ZDHHC15: variants seen among roughly 807,000 people sequenced by gnomAD.
The protein encoded by ZDHHC15 is palmitoyltransferase ZDHHC15.
In ZDHHC15, 19 loss-of-function variants were observed where a neutral mutation model predicts 31.7. That is an observed-to-expected ratio of 0.60 (90% CI 0.42 to 0.88). The LOEUF (loss-of-function observed/expected upper bound fraction) is 0.88. ZDHHC15 is among the 40% of genes least tolerant of loss of function. The pLI, the probability that ZDHHC15 is intolerant of heterozygous loss-of-function variation, is 0.00. For missense variants in ZDHHC15, 209 were observed against 251.2 expected, an observed-to-expected ratio of 0.83 and a Z score of 1.14; for synonymous variants, 103 against 90.0, an observed-to-expected ratio of 1.14 and a Z score of -0.82.
At chrX:75,425,536 A>T (rs1336624269) in intron 7 of ZDHHC15, among the ~76,000 whole-genome samples, 2 of 112,483 alleles carry the variant, frequency 1.8e-5, no homozygotes, top group Admixed American at 9.4e-5. Context: ...AAGTTCTGTA[A>T]CATGCGCAGC....
intron 10 of ZDHHC15, among the ~76,000 whole-genome samples, chrX:75,415,490 T>C (rs2083539221): frequency 1.8e-5 from 2 of 112,281 alleles, no homozygotes. Flanking sequence ...GATCACTAAA[T>C]GGCATGCAAT....
intron 2 of ZDHHC15, among the ~76,000 whole-genome samples, chrX:75,491,091 A>G (rs1289097327): frequency 9.0e-6 from 1 of 111,656 alleles, no homozygotes; most frequent in Admixed American, 9.5e-5. Flanking sequence ...ATCTAGAACT[A>G]GAAATACCAT....
chrX:75,433,041 A>G (rs780134489), intron 4 of ZDHHC15, among the ~76,000 whole-genome samples: 50 of 111,384 alleles, frequency 4.5e-4, no homozygotes, highest in Non-Finnish European at 7.5e-4. Context: ...AAAACTCTCA[A>G]TGGATTTCCA....
Position 75,369,315 on chromosome X carries a change from A to ATGTGTGTG in ZDHHC15, c.*3655_*3662dup, listed in dbSNP as rs58983071. 382 of 102,939 alleles carry ATGTGTGTG rather than the reference A, an allele frequency of 3.7e-3. 1 individual carries two copies. The highest frequency in any genetic ancestry group is 0.013 in the African/African-American group (357 of 28,212). The allele number at this position is 102,939 out of a possible 1,213,427, so 8.5% of individuals were successfully genotyped here. A position where few individuals can be genotyped will look rare whatever the true frequency, so the allele number is the denominator to read the frequency against. On this transcript the variant is annotated 3_prime_UTR_variant, in exon 12 of 12. Coordinates refer to ENST00000373367, the MANE Select transcript of ZDHHC15 (RefSeq NM_144969.3). ...GCAGCCTGCTTTGGAGAAAATGTGT[A>ATGTGTGTG]TGTGTGTGTGTGTGTGTGTGTGTGT...
chrX:75,479,225 G>A (rs1265499998), intron 2 of ZDHHC15, among the ~76,000 whole-genome samples: 1 of 111,814 alleles, frequency 8.9e-6, no homozygotes. Flanking sequence ...ATTCTTGAAG[G>A]GGGAAATGTC....
At chrX:75,384,693 G>A (rs1260958761) in intron 10 of ZDHHC15, 6 of 814,714 alleles carry the variant, frequency 7.4e-6, no homozygotes, top group Non-Finnish European at 3.7e-6. Flanking sequence ...ATCAGAGAAA[G>A]AAATAAGCCA....
At chrX:75,465,928 C>G (rs1362582064) in intron 3 of ZDHHC15, among the ~76,000 whole-genome samples, 1 of 111,219 alleles carries the variant, frequency 9.0e-6, no homozygotes, top group African/African-American at 3.3e-5. Context: ...GCAATTGCAT[C>G]AAAAGAAAAA....
chrX:75,482,236 A>C (rs2084701071), intron 2 of ZDHHC15, among the ~76,000 whole-genome samples: 1 of 111,444 alleles, frequency 9.0e-6, no homozygotes, highest in Admixed American at 9.6e-5. Context: ...CAATATACCC[A>C]GCTAACAAAC....
At chrX:75,426,241 A>C (rs2083712874) in intron 7 of ZDHHC15, among the ~76,000 whole-genome samples, 1 of 111,886 alleles carries the variant, frequency 8.9e-6, no homozygotes, top group Admixed American at 9.5e-5. Context: ...TAAAGCTCAC[A>C]TTTATTTTAC....
chrX:75,383,875 A>G (rs1237173967), intron 10 of ZDHHC15, among the ~76,000 whole-genome samples: 2 of 104,072 alleles, frequency 1.9e-5, no homozygotes, highest in Admixed American at 2.1e-4. Context: ...AGTAGCTGGG[A>G]CTACAGGCAT....
At chrX:75,431,562 C>T (rs778437692) in intron 4 of ZDHHC15, 42 bp from the exon 5 acceptor site, 2 of 1,100,466 alleles carry the variant, frequency 1.8e-6, no homozygotes, top group Non-Finnish European at 2.5e-6. Flanking sequence ...TGTTAGGGCT[C>T]AATATAAGAC....
At chrX:75,380,936 CT>C (rs1297546487) in intron 10 of ZDHHC15, among the ~76,000 whole-genome samples, 1 of 111,384 alleles carries the variant, frequency 9.0e-6, no homozygotes, top group African/African-American at 3.3e-5. Flanking sequence ...CACATAAACC[CT>C]TGATGCTATG....
chrX:75,486,255 G>A (rs568433241), intron 2 of ZDHHC15, among the ~76,000 whole-genome samples: 54 of 111,712 alleles, frequency 4.8e-4, no homozygotes, highest in South Asian at 2.6e-3. Flanking sequence ...TATAAAAGTC[G>A]AAGAAGCAGT....
chrX:75,426,170 G>T (rs897106186), intron 7 of ZDHHC15, among the ~76,000 whole-genome samples: 1 of 112,223 alleles, frequency 8.9e-6, no homozygotes, highest in Admixed American at 9.5e-5. Context: ...AGTGGGTTTT[G>T]CCTTGACTGT....
intron 3 of ZDHHC15, among the ~76,000 whole-genome samples, chrX:75,452,967 A>G (rs1489071247): frequency 8.9e-6 from 1 of 111,989 alleles, no homozygotes; most frequent in Non-Finnish European, 1.9e-5. Flanking sequence ...TATTGCAATT[A>G]AAAGAACTAG....
intron 1 of ZDHHC15, among the ~76,000 whole-genome samples, chrX:75,507,581 A>G (rs911142887): frequency 1.8e-5 from 2 of 111,907 alleles, no homozygotes; most frequent in African/African-American, 3.2e-5. Context: ...TGAATCTGTT[A>G]TCACTAATCT....
chrX:75,418,773 G>A (rs1260848013), intron 9 of ZDHHC15, among the ~76,000 whole-genome samples: 1 of 111,822 alleles, frequency 8.9e-6, no homozygotes, highest in Non-Finnish European at 1.9e-5. Context: ...GCTGAAACTG[G>A]ATACCTTCCT....
In ZDHHC15 at chrX:75,449,709, G is replaced by C. The variant is rs1418781065; in HGVS notation, c.379+1093C>G. On this transcript the variant is annotated intron_variant, in intron 4 of 11. Coordinates refer to ENST00000373367, the MANE Select transcript of ZDHHC15 (RefSeq NM_144969.3). ...CTTAAAAAATATTTGCTGAATAAAT[G>C]ATGAACAAATGAATATGTGTCTGAC... 2.7e-5 allele frequency among the ~76,000 whole-genome samples: 3 copies of C among 112,076 alleles called. No individual in the cohort carries two copies. The Admixed American group carries it at 2.9e-4, about 11-fold the overall frequency.
intron 1 of ZDHHC15, among the ~76,000 whole-genome samples, chrX:75,515,342 C>A (rs193017309): frequency 9.0e-6 from 1 of 111,499 alleles, no homozygotes; most frequent in African/African-American, 3.3e-5. Context: ...CAATAAAATA[C>A]TGGCAAACCG....
Sources: allele counts gnomAD v4.1 joint callset (sites outside exome capture counted in the v4.1 genomes callset), GRCh38; gene constraint gnomAD v4.1.1; transcripts MANE v1.5; gene names NCBI Gene and HGNC (gene_info 2026-07-23, HGNC 2026-07-21).